MLXIP: variants seen among roughly 807,000 people sequenced by gnomAD.
MLXIP encodes the protein MLX interacting protein.
In MLXIP, 30 loss-of-function variants were observed where a neutral mutation model predicts 87.2. The ratio of observed to expected loss-of-function variants is 0.34; its 90% confidence interval spans 0.26 to 0.47. MLXIP has a LOEUF of 0.47. Among genes scored for constraint, MLXIP ranks in the 20% least tolerant of loss-of-function variants. The pLI, the probability that MLXIP is intolerant of heterozygous loss-of-function variation, is 1.00. For synonymous variants in MLXIP, 530 were observed against 514.0 expected (o/e 1.03, Z -0.42); for missense variants, 1,002 against 1,240.1 (o/e 0.81, Z 2.88).
At chr12:122,082,467 C>T (rs777185715) in intron 1 of MLXIP, among the ~76,000 whole-genome samples, 11 of 152,174 alleles carry the variant, frequency 7.2e-5, no homozygotes, top group Non-Finnish European at 1.3e-4. Flanking sequence ...GCAGAGATAA[C>T]CTCTGGGAAT....
chr12:122,111,315 A>G (rs920755693), intron 1 of MLXIP, among the ~76,000 whole-genome samples: 13 of 152,192 alleles, frequency 8.5e-5, no homozygotes, highest in Non-Finnish European at 1.5e-4. Context: ...CTGGTAGCCA[A>G]TTTCTAGAGT....
intron 1 of MLXIP, among the ~76,000 whole-genome samples, chr12:122,110,500 T>C (rs1444483217): frequency 6.6e-6 from 1 of 152,004 alleles, no homozygotes; most frequent in Admixed American, 6.6e-5. Context: ...TTGGTCAGGC[T>C]GGTCTCAAAC....
At chr12:122,134,194 T>C (rs1454116074) in intron 9 of MLXIP, 7 of 685,020 alleles carry the variant, frequency 1.0e-5, no homozygotes, top group African/African-American at 6.0e-5. Flanking sequence ...TCTTTTTTGT[T>C]TTTTTGTTTG....
intron 1 of MLXIP, among the ~76,000 whole-genome samples, chr12:122,087,587 G>C (rs1472917831): frequency 6.6e-6 from 1 of 152,204 alleles, no homozygotes; most frequent in East Asian, 1.9e-4. Flanking sequence ...AAGAAGGCTA[G>C]CTTGGTCAGA....
In MLXIP at chr12:122,107,786, G is replaced by A. The variant is rs1036386698; in HGVS notation, c.414-19470G>A. Among the ~76,000 whole-genome samples, 9 of 152,112 alleles carry A rather than the reference G, an allele frequency of 5.9e-5. No individual in the cohort carries two copies. In the East Asian group the frequency reaches 1.7e-3, roughly 29 times the overall value. On this transcript the variant is annotated intron_variant, in intron 1 of 16. Coordinates refer to ENST00000319080, the MANE Select transcript of MLXIP (RefSeq NM_014938.6). ...GTTAGAAAAGTGTCTTTTCCGAGTT[G>A]GCCCTGATTGAAAAGGGGGATTTGG...
chr12:122,086,418 A>G (rs1287277812), intron 1 of MLXIP, among the ~76,000 whole-genome samples: 2 of 152,314 alleles, frequency 1.3e-5, no homozygotes, highest in Middle Eastern at 3.4e-3. Flanking sequence ...TGGTTATAAA[A>G]GGAAAGGTCT....
chr12:122,135,794 G>T lies in MLXIP; in HGVS notation c.2032+128G>T. The T allele has an allele frequency of 8.8e-7, 1 of 1,139,866 alleles. No homozygotes were observed. The highest frequency in any genetic ancestry group is 1.2e-6 in the Non-Finnish European group (1 of 840,790). 70.6% of individuals were successfully genotyped at this position (1,139,866 alleles called of 1,614,324 possible). A position where few individuals can be genotyped will look rare whatever the true frequency, so the allele number is the denominator to read the frequency against. ...GGCTTAGGACACACAGTGAGGTCTT[G>T]TAGGCCTGCTGATAACACAGTCTGG... On this transcript the variant is annotated intron_variant, in intron 11 of 16. Coordinates refer to ENST00000319080, the MANE Select transcript of MLXIP (RefSeq NM_014938.6). The surrounding 1 kb of genome is among the most constrained non-coding windows in gnomAD (Gnocchi z 5.3).
rs1953261907 is a variant in MLXIP, at chr12:122,144,328, TC to T, written c.*2518del. The T allele has an allele frequency of 6.7e-6, 1 of 149,872 alleles. No homozygotes were observed. The highest frequency in any genetic ancestry group is 1.5e-5 in the Non-Finnish European group (1 of 67,920). The allele number at this position is 149,872 out of a possible 1,614,324, so 9.3% of individuals were successfully genotyped here. ...TGGGCACGGTGGCTCCTGCCTGTGATCCTAGCACTTTGGGAGGCTGAAGCTG... is the reference window on the plus strand; with the variant it reads ...TGGGCACGGTGGCTCCTGCCTGTGATCTAGCACTTTGGGAGGCTGAAGCTG... On this transcript the variant is annotated 3_prime_UTR_variant, in exon 17 of 17. Coordinates refer to ENST00000319080, the MANE Select transcript of MLXIP (RefSeq NM_014938.6).
At chr12:122,141,375 T>C (rs1593123098) in intron 16 of MLXIP, among the ~76,000 whole-genome samples, 2 of 152,180 alleles carry the variant, frequency 1.3e-5, no homozygotes, top group African/African-American at 4.8e-5. Context: ...TTAATTCTTA[T>C]AACAACAAGC....
intron 6 of MLXIP, among the ~76,000 whole-genome samples, chr12:122,130,419 C>T (rs981382385): frequency 7.9e-5 from 12 of 151,628 alleles, no homozygotes; most frequent in South Asian, 2.1e-4. Flanking sequence ...TCACGGGGTA[C>T]GTGTGCCGTG....
intron 1 of MLXIP, among the ~76,000 whole-genome samples, chr12:122,099,560 A>G (rs1593071409): frequency 6.6e-6 from 1 of 152,216 alleles, no homozygotes; most frequent in African/African-American, 2.4e-5. Context: ...GATTTCCCCA[A>G]TGACCTTTTT....
At chr12:122,113,966 T>C (rs927639801) in intron 1 of MLXIP, among the ~76,000 whole-genome samples, 1 of 149,132 alleles carries the variant, frequency 6.7e-6, no homozygotes, top group African/African-American at 2.5e-5. Flanking sequence ...ATTACAGGCG[T>C]GAGCCACTGC....
At chr12:122,089,230 T>TA (rs1406425142) in intron 1 of MLXIP, among the ~76,000 whole-genome samples, 1 of 152,104 alleles carries the variant, frequency 6.6e-6, no homozygotes, top group African/African-American at 2.4e-5. Context: ...TTCATATGGT[T>TA]ACATGGTCAC....
intron 1 of MLXIP, among the ~76,000 whole-genome samples, chr12:122,088,227 G>A (rs992159100): frequency 6.6e-6 from 1 of 152,136 alleles, no homozygotes; most frequent in Non-Finnish European, 1.5e-5. Flanking sequence ...GGAGTTTGGA[G>A]CTTGCGTTCT....
At chr12:122,103,712 G>A (rs1049965301) in intron 1 of MLXIP, among the ~76,000 whole-genome samples, 2 of 143,636 alleles carry the variant, frequency 1.4e-5, no homozygotes, top group Non-Finnish European at 3.0e-5. Context: ...TTTTTTTTTA[G>A]TAGAGACAGG....
intron 1 of MLXIP, among the ~76,000 whole-genome samples, chr12:122,124,195 C>T: frequency 1.1e-5 from 1 of 89,712 alleles, no homozygotes; most frequent in East Asian, 3.5e-4. Flanking sequence ...CCGTCCCCCG[C>T]CCTCAGCTGT....
At chr12:122,108,393 G>T (rs200373151) in intron 1 of MLXIP, among the ~76,000 whole-genome samples, 2 of 143,592 alleles carry the variant, frequency 1.4e-5, no homozygotes, top group Non-Finnish European at 3.0e-5. Context: ...AAAAAAGACA[G>T]AATTAGATTT....
rs1281572725 is a variant in MLXIP, at chr12:122,130,022, A to T, written c.820A>T (p.Thr274Ser). 4.3e-6 allele frequency: 7 copies of T among 1,614,028 alleles called. No individual in the cohort carries two copies. The highest frequency in any genetic ancestry group is 5.9e-6 in the Non-Finnish European group (7 of 1,179,886). Residue 274 changes from threonine to serine, a missense_variant, in exon 6 of 17, where the codon ACA (threonine) becomes TCA (serine). Thr to Ser is a moderately conservative substitution (Grantham distance 58). Coordinates refer to ENST00000319080, the MANE Select transcript of MLXIP (RefSeq NM_014938.6). ...CATGGAGGAGGATCCCCTGCTGGACACAGACATGCTCATGTCGGAATTCAG... is the reference window on the plus strand; with the variant it reads ...CATGGAGGAGGATCCCCTGCTGGACTCAGACATGCTCATGTCGGAATTCAG... ...VPMEEDPLLD[T>S]DMLMSEFSDT...
chr12:122,081,927 C>T (rs961856693), intron 1 of MLXIP, among the ~76,000 whole-genome samples: 41 of 152,210 alleles, frequency 2.7e-4, no homozygotes, highest in African/African-American at 9.9e-4. Flanking sequence ...GTACACTCTG[C>T]TTTTTGTTGT....
Sources: gnomAD v4.1 joint callset for allele counts (sites outside exome capture counted in the v4.1 genomes callset) on GRCh38, gnomAD v4.1.1 for gene constraint, Gnocchi (gnomAD v3.1) non-coding constraint, MANE v1.5 for transcripts, NCBI Gene and HGNC (gene_info 2026-07-23, HGNC 2026-07-21) for gene names.